TNFAIP8: variants seen among roughly 807,000 people sequenced by gnomAD.
TNFAIP8 encodes TNF alpha induced protein 8.
Under a neutral mutation model 13.3 loss-of-function variants are expected in TNFAIP8, and 7 were observed. The observed-to-expected ratio is 0.52, with a 90% CI of 0.30 to 0.99. TNFAIP8 has a LOEUF of 0.99. Ranked by LOEUF, TNFAIP8 falls within the 50% of genes least tolerant of loss-of-function variation. The pLI, the probability that TNFAIP8 is intolerant of heterozygous loss-of-function variation, is 0.07. For synonymous variants in TNFAIP8, 94 were observed against 87.6 expected (o/e 1.07, Z -0.41); for missense variants, 258 against 236.9 (o/e 1.09, Z -0.58).
intron 1 of TNFAIP8, among the ~76,000 whole-genome samples, chr5:119,359,753 C>A (rs1211669268): frequency 6.6e-6 from 1 of 152,202 alleles, no homozygotes; most frequent in Admixed American, 6.5e-5. Context: ...CCTTCCCCAG[C>A]CTTTGCTTTG....
At chr5:119,374,568 C>G (rs1279584524) in intron 1 of TNFAIP8, among the ~76,000 whole-genome samples, 1 of 152,194 alleles carries the variant, frequency 6.6e-6, no homozygotes, top group Non-Finnish European at 1.5e-5. Flanking sequence ...GAGTTGGACG[C>G]CTTCTAGCTC....
At chr5:119,320,114 T>A (rs1042674046) in intron 1 of TNFAIP8, among the ~76,000 whole-genome samples, 1 of 152,210 alleles carries the variant, frequency 6.6e-6, no homozygotes, top group South Asian at 2.1e-4. Context: ...ATTCAAGTAG[T>A]GGACTGGGAG....
intron 1 of TNFAIP8, among the ~76,000 whole-genome samples, chr5:119,291,289 A>G (rs1345990307): frequency 1.3e-5 from 2 of 152,206 alleles, no homozygotes; most frequent in African/African-American, 4.8e-5. Flanking sequence ...GTGCCCAATA[A>G]CTACCTGCTA....
In TNFAIP8 at chr5:119,375,004, T is replaced by C. The variant is rs1752230357; in HGVS notation, c.32-17812T>C. On this transcript the variant is annotated intron_variant, in intron 1 of 1. Transcript: ENST00000504771. Reference sequence around the variant, plus strand: ...TGTGAATATAGTAAAAACCACTGAATTGTAGATTTTTAAAATGCTTACAGT... The same window carrying C: ...TGTGAATATAGTAAAAACCACTGAACTGTAGATTTTTAAAATGCTTACAGT... 3.9e-5 allele frequency among the ~76,000 whole-genome samples: 6 copies of C among 152,186 alleles called. No homozygotes were observed. In the South Asian group the frequency reaches 1.0e-3, roughly 26 times the overall value.
chr5:119,348,890 A>G (rs758491494), intron 1 of TNFAIP8, among the ~76,000 whole-genome samples: 175 of 58,576 alleles, frequency 3.0e-3, no homozygotes, highest in Non-Finnish European at 4.9e-3. Flanking sequence ...CAAAAAAAAA[A>G]AAAAAAAAAA....
intron 1 of TNFAIP8, among the ~76,000 whole-genome samples, chr5:119,302,933 C>A (rs116138727): frequency 6.6e-6 from 1 of 152,138 alleles, no homozygotes; most frequent in Non-Finnish European, 1.5e-5. Context: ...CGAATTGTTA[C>A]GCAGTCAGCC....
intron 1 of TNFAIP8, among the ~76,000 whole-genome samples, chr5:119,369,466 A>G (rs934377279): frequency 6.6e-6 from 1 of 152,184 alleles, no homozygotes; most frequent in Non-Finnish European, 1.5e-5. Flanking sequence ...TCTAGTTTTT[A>G]TGATGATGGG....
chr5:119,313,431 C>CT (rs1314421148), intron 1 of TNFAIP8, among the ~76,000 whole-genome samples: 1 of 152,106 alleles, frequency 6.6e-6, no homozygotes, highest in Non-Finnish European at 1.5e-5. Context: ...CTTTCACTTT[C>CT]TTGAGACCAC....
At chr5:119,332,761 A>G (rs538701115) in intron 1 of TNFAIP8, among the ~76,000 whole-genome samples, 1 of 152,342 alleles carries the variant, frequency 6.6e-6, no homozygotes, top group East Asian at 1.9e-4. Context: ...TGTGGGTGGC[A>G]ATGACTGCCA....
chr5:119,399,447 T>A lies in TNFAIP8; in HGVS notation c.*6066T>A, dbSNP rs1753146621. On this transcript the variant is annotated 3_prime_UTR_variant, in exon 2 of 2. Transcript: ENST00000504771. The stretch of plus-strand genomic sequence containing the variant: ...GGCTATTCCTATGTGAGGTATTGTT[T>A]ACGGGTGGCCTTTCACTATTTCCAA... 6.6e-6 allele frequency: 1 copy of A among 152,232 alleles called. No homozygotes were observed. The highest frequency in any genetic ancestry group is 6.5e-5 in the Admixed American group (1 of 15,280). The allele number at this position is 152,232 out of a possible 1,614,324, so 9.4% of individuals were successfully genotyped here.
intron 1 of TNFAIP8, among the ~76,000 whole-genome samples, chr5:119,319,240 C>T (rs928762866): frequency 6.6e-6 from 1 of 152,204 alleles, no homozygotes; most frequent in South Asian, 2.1e-4. Context: ...CACTACTACA[C>T]TTCAGCCTGG....
At chr5:119,371,554 C>A (rs910479274) in intron 1 of TNFAIP8, among the ~76,000 whole-genome samples, 2 of 152,142 alleles carry the variant, frequency 1.3e-5, no homozygotes, top group African/African-American at 4.8e-5. Context: ...GGGAAACTCT[C>A]CAGTTAGGGT....
chr5:119,273,099 A>G (rs1317066162), intron 1 of TNFAIP8, among the ~76,000 whole-genome samples: 1 of 152,246 alleles, frequency 6.6e-6, no homozygotes, highest in Non-Finnish European at 1.5e-5. Context: ...TGGAATCAGC[A>G]GCTCATGTCT....
intron 1 of TNFAIP8, among the ~76,000 whole-genome samples, chr5:119,270,101 A>G (rs548125909): frequency 1.2e-4 from 19 of 152,382 alleles, no homozygotes; most frequent in Non-Finnish European, 2.4e-4. Context: ...GAGGGTAAGG[A>G]TAACAAAGCT....
chr5:119,368,307 G>A (rs751849048), intron 1 of TNFAIP8, among the ~76,000 whole-genome samples: 4 of 151,608 alleles, frequency 2.6e-5, no homozygotes, highest in Non-Finnish European at 4.4e-5. Context: ...ATTGCTTTAT[G>A]ACTTAAAAAG....
intron 1 of TNFAIP8, among the ~76,000 whole-genome samples, chr5:119,279,396 TTTG>T (rs985429293): frequency 2.6e-5 from 4 of 152,160 alleles, no homozygotes; most frequent in African/African-American, 9.7e-5. Flanking sequence ...TTCTTCACAT[TTTG>T]TTGTTTTTAA....
rs180951083 is a variant in TNFAIP8, at chr5:119,329,567, A to G, written c.1+60660A>G. Among the ~76,000 whole-genome samples, 110 of 152,262 alleles carry G rather than the reference A, an allele frequency of 7.2e-4. 2 individuals carry two copies. Among genetic ancestry groups the G allele is most frequent in the Middle Eastern group, 3.4e-3 (1 of 294 alleles). On this transcript the variant is annotated intron_variant, in intron 1 of 1. Coordinates refer to the TNFAIP8 transcript ENST00000274456. ...TTTTGTGCTTTCTGTCTGGTGAATC[A>G]TGGATGCTTTTGCGATATGATATGA...
At chr5:119,294,925 T>C (rs1488832636) in intron 1 of TNFAIP8, among the ~76,000 whole-genome samples, 2 of 151,732 alleles carry the variant, frequency 1.3e-5, no homozygotes, top group Admixed American at 1.3e-4. Context: ...GAGTTCATTG[T>C]AGATTCTGGA....
At chr5:119,388,437 T>C (rs1011329383) in intron 1 of TNFAIP8, among the ~76,000 whole-genome samples, 1 of 152,212 alleles carries the variant, frequency 6.6e-6, no homozygotes, top group Non-Finnish European at 1.5e-5. Context: ...ATAGGGGAAA[T>C]TGATTGCTGC....
Sources: gnomAD v4.1 joint callset for allele counts (sites outside exome capture counted in the v4.1 genomes callset) on GRCh38, gnomAD v4.1.1 for gene constraint, MANE v1.5 for transcripts, NCBI Gene and HGNC (gene_info 2026-07-23, HGNC 2026-07-21) for gene names.